LAMA1: variants seen among roughly 807,000 people sequenced by gnomAD.
LAMA1 encodes laminin subunit alpha 1, also known as laminin subunit alpha-1.
A neutral mutation model predicts 348.7 loss-of-function variants in LAMA1; 219 were observed. The observed-to-expected ratio is 0.63, with a 90% CI of 0.56 to 0.70. LAMA1 has a LOEUF of 0.70. Ranked by LOEUF, LAMA1 falls within the 30% of genes least tolerant of loss-of-function variation. The probability of loss-of-function intolerance (pLI) is 0.00; values close to 1 mark genes in which losing one functional copy is unlikely to be tolerated. For missense variants in LAMA1, 3,744 were observed against 3,888.0 expected (o/e 0.96, Z 0.99); for synonymous variants, 1,487 against 1,491.0 (o/e 1.00, Z 0.06).
At chr18:7,011,780 G>T (rs1295380998) in intron 24 of LAMA1, among the ~76,000 whole-genome samples, 4 of 152,184 alleles carry the variant, frequency 2.6e-5, no homozygotes, top group African/African-American at 4.8e-5. Flanking sequence ...ATTAGCTAAG[G>T]AACAACATGG....
intron 44 of LAMA1, 99 bp downstream of exon 44, chr18:6,977,628 A>G (rs1181375254): frequency 2.8e-6 from 4 of 1,414,052 alleles, no homozygotes; most frequent in Non-Finnish European, 3.9e-6. Context: ...TGGAAGCCCT[A>G]AGGGGCGCAG....
intron 1 of LAMA1, among the ~76,000 whole-genome samples, chr18:7,107,791 G>GA (rs2058318896): frequency 2.0e-5 from 3 of 151,936 alleles, no homozygotes; most frequent in Non-Finnish European, 2.9e-5. Context: ...GAGGCGGGCA[G>GA]ATCACGAGGT....
chr18:7,114,996 A>G (rs2058350118), intron 1 of LAMA1, among the ~76,000 whole-genome samples: 1 of 152,198 alleles, frequency 6.6e-6, no homozygotes, highest in Non-Finnish European at 1.5e-5. Context: ...CTTCATATTT[A>G]ATGTCTGGAA....
intron 30 of LAMA1, among the ~76,000 whole-genome samples, chr18:7,001,278 T>C (rs921515999): frequency 1.3e-5 from 2 of 151,750 alleles, no homozygotes; most frequent in African/African-American, 4.9e-5. Context: ...TGTAACACAA[T>C]GTATATAATC....
chr18:6,986,213 A>T lies in LAMA1; in HGVS notation c.5303T>A (p.Val1768Glu). Residue 1768 changes from valine (V) to glutamate (E), a missense_variant, in exon 37 of 63, where the codon GTG becomes GAG. By Grantham distance (121) the Val-to-Glu change is moderately radical. Coordinates refer to ENST00000389658, the MANE Select transcript of LAMA1 (RefSeq NM_005559.4). The part of the protein sequence containing the change: ...NNELKAAEAL[V>E]REAEAKMQES... Reference sequence around the variant, plus strand: ...CTGCATCTTTGCCTCAGCTTCCCTCACGAGCGCCTCAGCCGCCTTTAGTTC... The same window carrying T: ...CTGCATCTTTGCCTCAGCTTCCCTCTCGAGCGCCTCAGCCGCCTTTAGTTC... 1 of 1,614,104 alleles carries T rather than the reference A, an allele frequency of 6.2e-7. No individual in the cohort carries two copies. The highest frequency in any genetic ancestry group is 8.5e-7 in the Non-Finnish European group (1 of 1,180,020).
rs765966942 is a variant in LAMA1 at position 6,971,897 on chromosome 18, A to C, written c.6859T>G (p.Tyr2287Asp). Residue 2287 changes from tyrosine (Y) to aspartate (D), a missense_variant, in exon 48 of 63, where the codon TAT becomes GAT. Coordinates refer to ENST00000389658, the MANE Select transcript of LAMA1 (RefSeq NM_005559.4). ...CGGCACTTGCCTTCCCTTTCAATAT[A>C]GTTCCATAGGCCTATGGATTTTCCA... is the stretch of plus-strand genomic sequence containing the variant. ...LNGKSIGLWN[Y>D]IEREGKCRGC... The C allele has an allele frequency of 6.2e-7, 1 of 1,614,146 alleles. No homozygotes were observed.
intron 51 of LAMA1, chr18:6,964,004 A>T (rs2057620993): frequency 6.5e-6 from 1 of 154,134 alleles, no homozygotes; most frequent in Non-Finnish European, 1.4e-5. Context: ...GTCTGCAGAA[A>T]GCATGATTTC....
At chr18:6,963,407 T>C (rs1175132862) in intron 51 of LAMA1, among the ~76,000 whole-genome samples, 1 of 152,166 alleles carries the variant, frequency 6.6e-6, no homozygotes, top group East Asian at 1.9e-4. Context: ...AAGGTAAGAC[T>C]TCGCAAGTGA....
intron 36 of LAMA1, among the ~76,000 whole-genome samples, chr18:6,991,736 A>G (rs966606447): frequency 5.3e-4 from 80 of 152,208 alleles, no homozygotes; most frequent in Non-Finnish European, 1.8e-4. Flanking sequence ...TCTGAAATAC[A>G]GAAAAAGAAG....
At chr18:7,055,494 C>T (rs764059332) in intron 3 of LAMA1, among the ~76,000 whole-genome samples, 1 of 149,724 alleles carries the variant, frequency 6.7e-6, no homozygotes, top group Non-Finnish European at 1.5e-5. Context: ...CACGTACACA[C>T]ACATACACAT....
At chr18:7,054,883 T>G (rs1414765710) in intron 3 of LAMA1, among the ~76,000 whole-genome samples, 1 of 152,188 alleles carries the variant, frequency 6.6e-6, no homozygotes, top group Non-Finnish European at 1.5e-5. Context: ...TTCTCTAGCT[T>G]ACTTTAAGAA....
chr18:7,000,056 G>A lies in LAMA1; in HGVS notation c.4383-59C>T, dbSNP rs531584492. ...ATATACAATTTCCATCTTTCCTTAA[G>A]GTACTTATTCATTACTCTTAGGATA... On this transcript the variant is annotated intron_variant, in intron 30 of 62. Transcript: ENST00000389658. 1.3e-5 allele frequency: 17 copies of A among 1,274,388 alleles called. No individual in the cohort carries two copies. The South Asian group carries it at 1.6e-4, about 12-fold the overall frequency. 78.9% of individuals were successfully genotyped at this position (1,274,388 alleles called of 1,614,324 possible). A position where few individuals can be genotyped will look rare whatever the true frequency, so the allele number is the denominator to read the frequency against.
At chr18:7,064,740 T>G (rs1427261159) in intron 3 of LAMA1, among the ~76,000 whole-genome samples, 2 of 152,244 alleles carry the variant, frequency 1.3e-5, no homozygotes, top group African/African-American at 4.8e-5. Flanking sequence ...GTTATTTAAC[T>G]GACATTTTTT....
Position 6,961,467 on chromosome 18 carries a change from C to T in LAMA1, c.7626+119G>A, listed in dbSNP as rs560030151. The T allele has an allele frequency of 9.5e-5, 112 of 1,177,740 alleles. 3 individuals are homozygous for T. The South Asian group carries it at 1.5e-3, about 16-fold the overall frequency. 73.0% of individuals were successfully genotyped at this position (1,177,740 alleles called of 1,614,324 possible). A position where few individuals can be genotyped will look rare whatever the true frequency, so the allele number is the denominator to read the frequency against. ...ATAACTTTTACTTATTGAAAATGCA[C>T]ATCCATAAACAACCAGGAACACGGT... is the stretch of plus-strand genomic sequence containing the variant. On this transcript the variant is annotated intron_variant, in intron 53 of 62. Transcript: ENST00000389658.
At chr18:7,004,558 G>A (rs1448977640) in intron 29 of LAMA1, among the ~76,000 whole-genome samples, 1 of 152,080 alleles carries the variant, frequency 6.6e-6, no homozygotes, top group Admixed American at 6.5e-5. Flanking sequence ...CTCCATGTTG[G>A]TCAGGCTGGT....
chr18:7,002,106 A>G (rs2057810175), intron 30 of LAMA1, among the ~76,000 whole-genome samples, 158 bp downstream of exon 30: 1 of 152,228 alleles, frequency 6.6e-6, no homozygotes, highest in South Asian at 2.1e-4. Context: ...TTCTCTTCCA[A>G]TGCTTTTGAG....
chr18:7,108,658 A>G (rs1451499270), intron 1 of LAMA1, among the ~76,000 whole-genome samples: 1 of 150,620 alleles, frequency 6.6e-6, no homozygotes, highest in African/African-American at 2.4e-5. Flanking sequence ...AAAAAAAAAA[A>G]AAAAAAAAAG....
In LAMA1 at chr18:7,050,708, G is replaced by C; in HGVS notation, c.574C>G (p.Leu192Val). Reference protein sequence around the residue: ...CTSYYSRLVPLEHGEIHTSLI... With the variant: ...CTSYYSRLVPVEHGEIHTSLI... ...ACCATACCTACCTCTCCATGCTCAAGTGGCACCAATCTGGAATAATAGGAG... is the reference window on the plus strand; with the variant it reads ...ACCATACCTACCTCTCCATGCTCAACTGGCACCAATCTGGAATAATAGGAG... Residue 192 changes from leucine (L) to valine (V), a missense_variant, in exon 4 of 63, where the codon CTT becomes GTT. Around this residue, in one of 3 missense-constraint regions of LAMA1, gnomAD observed 1,529 missense variants for 1,689.4 expected, o/e 0.91. Coordinates refer to ENST00000389658, the MANE Select transcript of LAMA1 (RefSeq NM_005559.4). 6.2e-7 allele frequency: 1 copy of C among 1,613,960 alleles called. No individual in the cohort carries two copies. Among genetic ancestry groups the C allele is most frequent in the South Asian group, 1.1e-5 (1 of 91,076 alleles).
intron 3 of LAMA1, among the ~76,000 whole-genome samples, chr18:7,073,840 GT>G (rs1356316569): frequency 4.6e-5 from 3 of 65,376 alleles, no homozygotes; most frequent in African/African-American, 9.1e-5. Flanking sequence ...GTGTGTGTGT[GT>G]GTGTGTGTTT....
Sources: gnomAD v4.1 joint callset for allele counts (sites outside exome capture counted in the v4.1 genomes callset) on GRCh38, gnomAD v4.1.1 for gene constraint, gnomAD v4.1.1 regional missense constraint, MANE v1.5 for transcripts, NCBI Gene and HGNC (gene_info 2026-07-23, HGNC 2026-07-21) for gene names.